The following MISP variants were observed in gnomAD, a reference collection of about 807,000 sequenced individuals.
MISP encodes mitotic spindle positioning.
In MISP, 51 loss-of-function variants were observed where a neutral mutation model predicts 49.3. The ratio of observed to expected loss-of-function variants is 1.03; its 90% CI spans 0.83 to 1.31. The LOEUF is 1.31. MISP is among the 50% of genes most tolerant of loss of function. The probability of loss-of-function intolerance (pLI) is 0.00; values close to 1 mark genes in which losing one functional copy is unlikely to be tolerated. For synonymous variants in MISP, 444 were observed against 392.6 expected, an observed-to-expected ratio of 1.13 and a Z score of -1.55; for missense variants, 1,084 against 935.1, an observed-to-expected ratio of 1.16 and a Z score of -2.08.
intron 3 of MISP, among the ~76,000 whole-genome samples, chr19:760,697 G>C (rs1211900138): frequency 6.6e-6 from 1 of 151,724 alleles, no homozygotes; most frequent in Non-Finnish European, 1.5e-5. Flanking sequence ...GAGAGAGAGA[G>C]AGAGAGAAGG....
rs756793190 is a variant in MISP, at chr19:758,136, C to A, written c.1190C>A (p.Ser397Tyr). ...PGLRRALSSDSILSPAPDARA... is the reference protein window; with the variant it reads ...PGLRRALSSDYILSPAPDARA... ...CTCCGGAGAGCCCTCAGCTCAGATT[C>A]CATCCTCAGCCCGGCCCCAGATGCC... The change falls in exon 2 of 5, where the codon TCC becomes TAC. Residue 397 changes from serine (S) to tyrosine (Y), a missense_variant. Coordinates refer to ENST00000215582, the MANE Select transcript of MISP (RefSeq NM_173481.4). 1.9e-6 allele frequency: 3 copies of A among 1,610,988 alleles called. No homozygotes were observed. The South Asian group carries it at 3.3e-5, about 18-fold the overall frequency.
chr19:761,746 T>G, intron 4 of MISP, 83 bp downstream of exon 4: 1 of 1,465,088 alleles, frequency 6.8e-7, no homozygotes, highest in Non-Finnish European at 9.6e-7. Flanking sequence ...CGGAAGCCCC[T>G]TCCTCCAGGT....
chr19:763,569 C>T lies in MISP; in HGVS notation c.2019C>T (p.Tyr673=), dbSNP rs150909199. 2.6e-5 allele frequency: 42 copies of T among 1,613,708 alleles called. No individual in the cohort carries two copies. The highest frequency in any genetic ancestry group is 4.5e-5 in the East Asian group (2 of 44,868). ...CAGAGCGCTGGGAATCCCGCATCTACGCCAGTGAGGAGGATGACTGAGCCT... is the reference window on the plus strand; with the variant it reads ...CAGAGCGCTGGGAATCCCGCATCTATGCCAGTGAGGAGGATGACTGAGCCT... The part of the protein sequence containing the change: ...AMAERWESRI[Y]ASEEDD Residue 673 remains tyrosine, a synonymous_variant, in exon 5 of 5, where the codon TAC becomes TAT. Coordinates refer to ENST00000215582, the MANE Select transcript of MISP (RefSeq NM_173481.4).
intron 1 of MISP, among the ~76,000 whole-genome samples, chr19:753,389 C>CTTTTTTTTT (rs553930795): frequency 1.5e-5 from 2 of 137,916 alleles, no homozygotes; most frequent in African/African-American, 2.7e-5. Context: ...TTCTTTTTTT[C>CTTTTTTTTT]TTTTTTTTTT....
chr19:759,206 T>C (rs1306747371), intron 2 of MISP, among the ~76,000 whole-genome samples: 1 of 151,624 alleles, frequency 6.6e-6, no homozygotes, highest in Admixed American at 6.6e-5. Flanking sequence ...GTATTTTTAG[T>C]AGAGACAGGT....
In MISP at chr19:759,523, C is replaced by T. The variant is rs549778829; in HGVS notation, c.1781-386C>T. Among the ~76,000 whole-genome samples the T allele has an allele frequency of 3.3e-5, 5 of 151,898 alleles. 1 individual carries two copies. The highest frequency in any genetic ancestry group is 1.2e-4 in the African/African-American group (5 of 41,420). On this transcript the variant is annotated intron_variant, in intron 2 of 4. Transcript: ENST00000215582. ...CACGCCATTCTCTCGCCTCAGCCTCCTGAGTAGCTGGGACTACAGGCGCCT... is the reference window on the plus strand; with the variant it reads ...CACGCCATTCTCTCGCCTCAGCCTCTTGAGTAGCTGGGACTACAGGCGCCT...
In MISP at chr19:760,003, C is replaced by G. The variant is rs930233207; in HGVS notation, c.1875C>G (p.Asp625Glu). 2.5e-6 allele frequency: 4 copies of G among 1,614,020 alleles called. No homozygotes were observed. The highest frequency in any genetic ancestry group is 1.7e-6 in the Non-Finnish European group (2 of 1,179,946). Residue 625 changes from aspartate to glutamate, a missense_variant, in exon 3 of 5, where the codon GAC (aspartate) becomes GAG (glutamate). Coordinates refer to ENST00000215582, the MANE Select transcript of MISP (RefSeq NM_173481.4). ...NVAWTVEDPV[D>E]SAPPGQRKKE... ...CGTGGACAGTGGAAGATCCAGTGGA[C>G]AGTGCTCCTCCCGGGCAGAGAAAGA...
chr19:748,907 GGT>G (rs1397461641), upstream of MISP, among the ~76,000 whole-genome samples: 6 of 152,202 alleles, frequency 3.9e-5, no homozygotes, highest in African/African-American at 1.4e-4. Context: ...GGGAGGCCGA[GGT>G]GGGCGGATCA....
rs1472860714 is a variant in MISP, at chr19:757,899, A to G, written c.953A>G (p.Asp318Gly). 1 of 1,604,470 alleles carries G rather than the reference A, an allele frequency of 6.2e-7. No homozygotes were observed. The highest frequency in any genetic ancestry group is 1.1e-5 in the South Asian group (1 of 91,008). ...REQRGLRQAT[D>G]HQELVEIPTR... ...CAGAGGGGGCTTCGGCAGGCAACCG[A>G]CCACCAGGAGCTGGTGGAAATCCCC... Residue 318 changes from aspartate (D) to glycine (G), a missense_variant, in exon 2 of 5, where the codon GAC (aspartate) becomes GGC (glycine). Asp to Gly is a moderately conservative substitution (Grantham distance 94). Coordinates refer to ENST00000215582, the MANE Select transcript of MISP (RefSeq NM_173481.4).
chr19:760,872 C>T (rs1209203168), intron 3 of MISP, among the ~76,000 whole-genome samples: 21 of 151,984 alleles, frequency 1.4e-4, no homozygotes, highest in Admixed American at 1.1e-3. Flanking sequence ...GGTTAGGCAG[C>T]TCATGAACCC....
intron 1 of MISP, among the ~76,000 whole-genome samples, chr19:756,499 G>A (rs1396873148): frequency 6.6e-6 from 1 of 152,130 alleles, no homozygotes; most frequent in Non-Finnish European, 1.5e-5. Context: ...GCCAGGCTGG[G>A]CCATTTACTC....
chr19:756,411 T>C (rs1399869460), intron 1 of MISP, among the ~76,000 whole-genome samples: 2 of 152,150 alleles, frequency 1.3e-5, no homozygotes, highest in Admixed American at 1.3e-4. Context: ...GTGGGTGGGA[T>C]GCTCTGATTG....
rs868580252 is a variant in MISP, at chr19:763,662, C to T, written c.*72C>T. On this transcript the variant is annotated 3_prime_UTR_variant, in exon 5 of 5. Coordinates refer to ENST00000215582, the MANE Select transcript of MISP (RefSeq NM_173481.4). ...GGAACTGCCAAGACCATCGCCAAGC[C>T]CCCACCCTAGGAAATGGGTCCTAGG... 8.8e-7 allele frequency: 1 copy of T among 1,130,076 alleles called. No individual in the cohort carries two copies. Among genetic ancestry groups the T allele is most frequent in the Middle Eastern group, 2.3e-4 (1 of 4,294 alleles). The allele number at this position is 1,130,076 out of a possible 1,614,324, so 70.0% of individuals were successfully genotyped here. A position where few individuals can be genotyped will look rare whatever the true frequency, so the allele number is the denominator to read the frequency against.
chr19:752,765 G>C lies in MISP; in HGVS notation c.-58+1594G>C, dbSNP rs937831926. Among the ~76,000 whole-genome samples, 12 of 150,554 alleles carry C rather than the reference G, an allele frequency of 8.0e-5. 1 individual carries two copies. In the South Asian group the frequency reaches 2.6e-3, roughly 32 times the overall value. ...TCCCTTTCTCCCGGAGTTGACGTCT[G>C]ATGTGGGTTATAAATCCCGCTGTGT... On this transcript the variant is annotated intron_variant, in intron 1 of 4. Transcript: ENST00000215582.
chr19:755,197 C>T (rs1297783561), intron 1 of MISP, among the ~76,000 whole-genome samples: 1 of 152,120 alleles, frequency 6.6e-6, no homozygotes, highest in African/African-American at 2.4e-5. Context: ...GTGTGACCTC[C>T]GGGAAGGCTC....
At position 757,184 on chromosome 19, in the gene MISP, CGGG is replaced by C. The variant is rs949778589; in HGVS notation, c.241_243del (p.Gly81del). The C allele has an allele frequency of 3.1e-6, 5 of 1,613,406 alleles. No homozygotes were observed. The highest frequency in any genetic ancestry group is 1.3e-5 in the African/African-American group (1 of 74,948). Reference sequence around the variant, plus strand: ...TGCCTACACTGGCCAGCCGTCCCCACGGGGGCTCCACTCGGAGAACAGGGAGGA... The same window carrying C: ...TGCCTACACTGGCCAGCCGTCCCCACGGCTCCACTCGGAGAACAGGGAGGA... On this transcript the variant is annotated inframe_deletion, in exon 2 of 5. Transcript: ENST00000215582.
At chr19:754,317 A>G (rs2033509483) in intron 1 of MISP, among the ~76,000 whole-genome samples, 1 of 152,204 alleles carries the variant, frequency 6.6e-6, no homozygotes, top group African/African-American at 2.4e-5. Context: ...ACAAAAAATT[A>G]GCCAGGCGTG....
At chr19:753,359 G>A (rs1001735713) in intron 1 of MISP, among the ~76,000 whole-genome samples, 1 of 151,902 alleles carries the variant, frequency 6.6e-6, no homozygotes, top group African/African-American at 2.4e-5. Context: ...TTCAGAGAGG[G>A]GCTAAGTTTT....
At chr19:755,581 A>C (rs888491577) in intron 1 of MISP, among the ~76,000 whole-genome samples, 5 of 152,188 alleles carry the variant, frequency 3.3e-5, no homozygotes, top group African/African-American at 1.2e-4. Flanking sequence ...TCAGGGTGGA[A>C]AGGCTCAGTG....
Sources: allele counts gnomAD v4.1 joint callset (sites outside exome capture counted in the v4.1 genomes callset), GRCh38; gene constraint gnomAD v4.1.1; transcripts MANE v1.5; gene names NCBI Gene and HGNC (gene_info 2026-07-23, HGNC 2026-07-21).